PCDHGC4: variants seen among roughly 807,000 people sequenced by gnomAD.
PCDHGC4 encodes the protein protocadherin gamma subfamily C, 4, also known as protocadherin gamma-C4.
In PCDHGC4, 15 loss-of-function variants were observed where a neutral mutation model predicts 59.7. The ratio of observed to expected loss-of-function variants is 0.25; its 90% CI spans 0.17 to 0.39. PCDHGC4 has a LOEUF of 0.39. PCDHGC4 is among the 10% of genes least tolerant of loss of function. PCDHGC4 has a pLI of 1.00. For missense variants in PCDHGC4, 1,016 were observed against 1,189.5 expected, an observed-to-expected ratio of 0.85 and a Z score of 2.15; for synonymous variants, 434 against 481.4, an observed-to-expected ratio of 0.90 and a Z score of 1.29.
chr5:141,486,100 C>G lies in PCDHGC4; in HGVS notation c.927C>G (p.Asp309Glu). Reference protein sequence around the residue: ...TGKLTLLGPLDFESENYYEFD... With the variant: ...TGKLTLLGPLEFESENYYEFD... Reference sequence around the variant, plus strand: ...AGCTTACTCTTTTGGGGCCCCTAGACTTTGAGAGTGAGAATTACTATGAAT... The same window carrying G: ...AGCTTACTCTTTTGGGGCCCCTAGAGTTTGAGAGTGAGAATTACTATGAAT... The change falls in exon 1 of 4, where the codon GAC becomes GAG. Residue 309 changes from aspartate to glutamate, a missense_variant. By Grantham distance (45) the Asp-to-Glu change is conservative (BLOSUM62 2). Transcript: ENST00000306593. This position sits in a 1 kb window ranked among gnomAD's most constrained non-coding sequence, Gnocchi z 5.0. 1 of 1,614,190 alleles carries G rather than the reference C, an allele frequency of 6.2e-7. No individual in the cohort carries two copies. The highest frequency in any genetic ancestry group is 1.1e-5 in the South Asian group (1 of 91,086).
chr5:141,509,371 T>C (rs2099876508), intron 3 of PCDHGC4, among the ~76,000 whole-genome samples: 1 of 152,258 alleles, frequency 6.6e-6, no homozygotes, highest in South Asian at 2.1e-4. Context: ...AGGTTTTAAC[T>C]GTCTCCTAAC....
At position 141,489,474 on chromosome 5, in the gene PCDHGC4, C is replaced by T. The variant is rs772297075; in HGVS notation, c.2442+1859C>T. On this transcript the variant is annotated intron_variant, in intron 1 of 3. Transcript: ENST00000306593. The surrounding 1 kb of genome is among the most constrained non-coding windows in gnomAD (Gnocchi z 4.5). ...AGAATGGGCGCTATTTTTCCCTGAG[C>T]TTGATGAGTGGTGCCCTGGCAGTGA... 6.2e-7 allele frequency: 1 copy of T among 1,614,108 alleles called. No individual in the cohort carries two copies. The highest frequency in any genetic ancestry group is 8.5e-7 in the Non-Finnish European group (1 of 1,180,034).
At position 141,490,289 on chromosome 5, in the gene PCDHGC4, T is replaced by C; in HGVS notation, c.2442+2674T>C. ...GATGTCAATGACAATGCCCCAGAGG[T>C]GCTATTGGCCTCTTTGGCCAACCCT... On this transcript the variant is annotated intron_variant, in intron 1 of 3. Transcript: ENST00000306593. This position sits in a 1 kb window ranked among gnomAD's most constrained non-coding sequence, Gnocchi z 5.4. The C allele has an allele frequency of 1.2e-6, 2 of 1,614,096 alleles. No homozygotes were observed. The highest frequency in any genetic ancestry group is 1.7e-6 in the Non-Finnish European group (2 of 1,180,016).
At position 141,511,916 on chromosome 5, in the gene PCDHGC4, C is replaced by T. The variant is rs2099884006; in HGVS notation, c.*743C>T. ...CCACCTCCTCCTCAAACAAGAGACT[C>T]CACTGCATGTTCCAAGACAGTATGG... On this transcript the variant is annotated 3_prime_UTR_variant, in exon 4 of 4. Coordinates refer to ENST00000306593, the MANE Select transcript of PCDHGC4 (RefSeq NM_018928.3). The T allele has an allele frequency of 6.4e-6, 1 of 156,466 alleles. No individual in the cohort carries two copies. The highest frequency in any genetic ancestry group is 2.4e-5 in the African/African-American group (1 of 41,474). The allele number at this position is 156,466 out of a possible 1,614,324, so 9.7% of individuals were successfully genotyped here.
At chr5:141,500,618 C>A (rs554274946) in intron 2 of PCDHGC4, among the ~76,000 whole-genome samples, 27 of 152,260 alleles carry the variant, frequency 1.8e-4, no homozygotes, top group African/African-American at 6.5e-4. Context: ...CCCAGTCATA[C>A]GGTACATTTC....
rs1229317913 is a variant in PCDHGC4 at position 141,489,752 on chromosome 5, C to T, written c.2442+2137C>T. ...GGCACCAATACTGTGAGCTTTTACACTCTAAGCCCCAACAGCCACTTCTCT... is the reference window on the plus strand; with the variant it reads ...GGCACCAATACTGTGAGCTTTTACATTCTAAGCCCCAACAGCCACTTCTCT... On this transcript the variant is annotated intron_variant, in intron 1 of 3. Transcript: ENST00000306593. The surrounding 1 kb of genome is among the most constrained non-coding windows in gnomAD (Gnocchi z 4.5). 1.2e-6 allele frequency: 2 copies of T among 1,614,018 alleles called. No individual in the cohort carries two copies. Among genetic ancestry groups the T allele is most frequent in the Non-Finnish European group, 1.7e-6 (2 of 1,179,980 alleles).
intron 2 of PCDHGC4, 22 bp downstream of exon 2, chr5:141,494,887 C>T (rs116522768): frequency 0.014 from 22,125 of 1,614,118 alleles, 208 homozygotes; most frequent in Middle Eastern, 0.021. Context: ...ATTCTCCAGC[C>T]CACCCTCTTC....
Position 141,493,685 on chromosome 5 carries a change from G to A in PCDHGC4, c.2443-1122G>A, listed in dbSNP as rs139973755. ...CCATGGCAGCCCCAGAATGGTGCTG[G>A]TGACTCCCGATACACCTGGAATGCT... On this transcript the variant is annotated intron_variant, in intron 1 of 3. Transcript: ENST00000306593. The surrounding 1 kb of genome is among the most constrained non-coding windows in gnomAD (Gnocchi z 4.3). 1.1e-3 allele frequency among the ~76,000 whole-genome samples: 165 copies of A among 152,282 alleles called. 3 individuals carry two copies. The highest frequency in any genetic ancestry group is 8.2e-3 in the Admixed American group (125 of 15,298).
rs1407225048 is a variant in PCDHGC4 at position 141,489,600 on chromosome 5, G to T, written c.2442+1985G>T. On this transcript the variant is annotated intron_variant, in intron 1 of 3. Coordinates refer to ENST00000306593, the MANE Select transcript of PCDHGC4 (RefSeq NM_018928.3). The surrounding 1 kb of genome is among the most constrained non-coding windows in gnomAD (Gnocchi z 4.5). ...ACCCCCTGGAGCTAATCCGTGTAGA[G>T]GTAGAGATCCTGGATCTCAATGACA... The T allele has an allele frequency of 7.4e-6, 12 of 1,613,916 alleles. 1 individual carries two copies. In the South Asian group the frequency reaches 1.2e-4, roughly 16 times the overall value.
In PCDHGC4 at chr5:141,512,264, C is replaced by G. The variant is rs1453959730; in HGVS notation, c.*1091C>G. 6.5e-6 allele frequency: 1 copy of G among 152,684 alleles called. No homozygotes were observed. The highest frequency in any genetic ancestry group is 1.5e-5 in the Non-Finnish European group (1 of 68,096). 9.5% of individuals were successfully genotyped at this position (152,684 alleles called of 1,614,324 possible). ...GGGGCCTCTGTGGGTGCTGGGTACTCCAGAGGTGCCACTGGTGGAAGGGTC... is the reference window on the plus strand; with the variant it reads ...GGGGCCTCTGTGGGTGCTGGGTACTGCAGAGGTGCCACTGGTGGAAGGGTC... On this transcript the variant is annotated 3_prime_UTR_variant, in exon 4 of 4. Transcript: ENST00000306593.
At position 141,486,028 on chromosome 5, in the gene PCDHGC4, C is replaced by T; in HGVS notation, c.855C>T (p.Thr285=). The change falls in exon 1 of 4, where the codon ACC becomes ACT. Residue 285 remains threonine, a synonymous_variant. Transcript: ENST00000306593. This position sits in a 1 kb window ranked among gnomAD's most constrained non-coding sequence, Gnocchi z 5.0. ...GNVTFYFSGH[T]PDRVRNLFSL... is the part of the protein sequence containing the mutation. ...TCACCTTTTATTTCAGTGGTCATAC[C>T]CCTGATCGTGTAAGAAACCTCTTTA... The T allele has an allele frequency of 6.2e-7, 1 of 1,614,134 alleles. No individual in the cohort carries two copies. Among genetic ancestry groups the T allele is most frequent in the Non-Finnish European group, 8.5e-7 (1 of 1,180,020 alleles).
At chr5:141,499,186 T>A (rs1332703037) in intron 2 of PCDHGC4, among the ~76,000 whole-genome samples, 2 of 152,036 alleles carry the variant, frequency 1.3e-5, no homozygotes, top group Non-Finnish European at 2.9e-5. Context: ...AGCAAACCAT[T>A]TCCCCCTTCT....
rs2099883574 is a variant in PCDHGC4, at chr5:141,511,027, C to T, written c.2671C>T (p.Leu891=). The change falls in exon 4 of 4, where the codon CTG becomes TTG. Residue 891 remains leucine (L), a synonymous_variant. Transcript: ENST00000306593. ...CGCCCGCTACGGACCCCAGTTCACCCTGCAGCACGTGCCCGACTACCGCCA... is the reference window on the plus strand; with the variant it reads ...CGCCCGCTACGGACCCCAGTTCACCTTGCAGCACGTGCCCGACTACCGCCA... The part of the protein sequence containing the change: ...LSARYGPQFT[L]QHVPDYRQNV... 2 of 1,614,230 alleles carry T rather than the reference C, an allele frequency of 1.2e-6. No individual in the cohort carries two copies. The highest frequency in any genetic ancestry group is 1.7e-6 in the Non-Finnish European group (2 of 1,180,034).
intron 1 of PCDHGC4, among the ~76,000 whole-genome samples, chr5:141,492,226 C>T (rs1365682179): frequency 6.6e-6 from 1 of 152,178 alleles, no homozygotes; most frequent in Non-Finnish European, 1.5e-5. Flanking sequence ...CATGCGTGTC[C>T]TCCCTGCTGG....
chr5:141,489,094 G>GAAT lies in PCDHGC4; in HGVS notation c.2442+1481_2442+1482insTAA, dbSNP rs2154581134. 5.1e-6 allele frequency: 2 copies of GAAT among 396,028 alleles called. No homozygotes were observed. Among genetic ancestry groups the GAAT allele is most frequent in the Non-Finnish European group, 9.0e-6 (2 of 221,296 alleles). 24.5% of individuals were successfully genotyped at this position (396,028 alleles called of 1,614,324 possible). Reference sequence around the variant, plus strand: ...CCCACCCCCGCCACTCGGTGACTAAGAACTGCTGCAAGCAGGCAAACCTCC... The same window carrying GAAT: ...CCCACCCCCGCCACTCGGTGACTAAGAATAACTGCTGCAAGCAGGCAAACCTCC... On this transcript the variant is annotated intron_variant, in intron 1 of 3. Coordinates refer to ENST00000306593, the MANE Select transcript of PCDHGC4 (RefSeq NM_018928.3). The surrounding 1 kb of genome is among the most constrained non-coding windows in gnomAD (Gnocchi z 4.5).
chr5:141,498,042 A>G (rs1189035278), intron 2 of PCDHGC4, among the ~76,000 whole-genome samples: 2 of 152,238 alleles, frequency 1.3e-5, no homozygotes, highest in Non-Finnish European at 2.9e-5. Flanking sequence ...AATAATTACA[A>G]AAATAAATGT....
At chr5:141,495,089 C>G (rs1440289878) in intron 2 of PCDHGC4, among the ~76,000 whole-genome samples, 2 of 152,284 alleles carry the variant, frequency 1.3e-5, no homozygotes, top group East Asian at 3.9e-4. Flanking sequence ...TGCCCCTTCC[C>G]TCCTCGCCAC....
chr5:141,503,181 A>C (rs532503504), intron 2 of PCDHGC4, among the ~76,000 whole-genome samples: 54 of 152,060 alleles, frequency 3.6e-4, no homozygotes, highest in African/African-American at 1.3e-3. Context: ...TCTATTGTGT[A>C]ATTATTTAAA....
At position 141,505,417 on chromosome 5, in the gene PCDHGC4, C is replaced by T; in HGVS notation, c.2526C>T (p.Gly842=). The change falls in exon 3 of 4, where the codon GGC becomes GGT. Residue 842 remains glycine, a synonymous_variant. Coordinates refer to ENST00000306593, the MANE Select transcript of PCDHGC4 (RefSeq NM_018928.3). ...TSGSQNGDDT[G]TWPNNQFDTE... is the part of the protein sequence containing the mutation. ...GCTCCCAAAATGGCGATGACACCGG[C>T]ACCTGGCCCAACAACCAGTTTGACA... 1 of 1,614,212 alleles carries T rather than the reference C, an allele frequency of 6.2e-7. No individual in the cohort carries two copies. Among genetic ancestry groups the T allele is most frequent in the Non-Finnish European group, 8.5e-7 (1 of 1,180,024 alleles).
Sources: allele counts gnomAD v4.1 joint callset (sites outside exome capture counted in the v4.1 genomes callset), GRCh38; gene constraint gnomAD v4.1.1; non-coding constraint Gnocchi (gnomAD v3.1); transcripts MANE v1.5; gene names NCBI Gene and HGNC (gene_info 2026-07-23, HGNC 2026-07-21).